The following IQGAP2 variants were observed in gnomAD, a reference collection of about 807,000 sequenced individuals.
IQGAP2 encodes the protein ras GTPase-activating-like protein IQGAP2.
Under a neutral mutation model 201.3 loss-of-function variants are expected in IQGAP2, and 173 were observed. The observed-to-expected ratio is 0.86, with a 90% CI of 0.76 to 0.98. The LOEUF is 0.98. Among genes scored for constraint, IQGAP2 ranks in the 50% least tolerant of loss-of-function variants. The probability of loss-of-function intolerance (pLI) is 0.00; values close to 1 mark genes in which losing one functional copy is unlikely to be tolerated. For missense variants in IQGAP2, 1,687 were observed against 1,864.8 expected (o/e 0.90, Z 1.76); for synonymous variants, 675 against 673.9 (o/e 1.00, Z -0.03).
chr5:76,673,333 G>T (rs1353186326), intron 24 of IQGAP2, 116 bp from the exon 25 acceptor site: 1 of 997,674 alleles, frequency 1.0e-6, no homozygotes, highest in Non-Finnish European at 1.4e-6. Flanking sequence ...TTTTGTTACT[G>T]GAGTCAGTGG....
At chr5:76,469,727 A>G (rs1372723536) in intron 2 of IQGAP2, among the ~76,000 whole-genome samples, 1 of 152,112 alleles carries the variant, frequency 6.6e-6, no homozygotes, top group Non-Finnish European at 1.5e-5. Context: ...ATTGATGGCA[A>G]TGAACAAAAT....
At chr5:76,619,330 GA>G (rs1749357479) in intron 13 of IQGAP2, among the ~76,000 whole-genome samples, 1 of 152,050 alleles carries the variant, frequency 6.6e-6, no homozygotes, top group Admixed American at 6.6e-5. Flanking sequence ...ACTGTCCTAA[GA>G]AATCATATGT....
intron 2 of IQGAP2, among the ~76,000 whole-genome samples, chr5:76,554,646 A>C (rs1743812902): frequency 6.6e-6 from 1 of 152,238 alleles, no homozygotes. Flanking sequence ...GGCTGTAATC[A>C]AAAAGACAGA....
intron 28 of IQGAP2, among the ~76,000 whole-genome samples, chr5:76,680,882 A>G (rs1202379631): frequency 6.6e-6 from 1 of 150,792 alleles, no homozygotes; most frequent in Non-Finnish European, 1.5e-5. Flanking sequence ...AAGCAGGTGG[A>G]TCACTTGAGG....
intron 1 of IQGAP2, among the ~76,000 whole-genome samples, chr5:76,451,040 T>C (rs772410769): frequency 3.9e-5 from 6 of 152,168 alleles, no homozygotes; most frequent in South Asian, 2.1e-4. Flanking sequence ...AAACTTCTCT[T>C]CCAAATATAA....
chr5:76,504,870 C>A (rs142796418), intron 2 of IQGAP2, among the ~76,000 whole-genome samples: 1 of 152,198 alleles, frequency 6.6e-6, no homozygotes, highest in South Asian at 2.1e-4. Context: ...CCAGCATGAT[C>A]TAGCCCTGGC....
chr5:76,427,104 G>A (rs1752053695), intron 1 of IQGAP2, among the ~76,000 whole-genome samples: 1 of 152,138 alleles, frequency 6.6e-6, no homozygotes, highest in African/African-American at 2.4e-5. Flanking sequence ...ATTCTTGGTT[G>A]TGGGGTGCTG....
At chr5:76,606,414 C>A in intron 12 of IQGAP2, 111 bp downstream of exon 12, 4 of 802,356 alleles carry the variant, frequency 5.0e-6, no homozygotes, top group Non-Finnish European at 7.5e-6. Flanking sequence ...TTTGTGAGAG[C>A]AAACTCCGCT....
chr5:76,412,014 TCTC>T (rs1030602054), intron 1 of IQGAP2, among the ~76,000 whole-genome samples: 5 of 151,870 alleles, frequency 3.3e-5, no homozygotes, highest in African/African-American at 1.2e-4. Context: ...ATGTCCTCCT[TCTC>T]CATTTTTTTT....
chr5:76,474,999 A>T (rs1755328159), intron 2 of IQGAP2, among the ~76,000 whole-genome samples: 1 of 152,210 alleles, frequency 6.6e-6, no homozygotes, highest in South Asian at 2.1e-4. Flanking sequence ...GGCATAAGCC[A>T]CCGCGTCCGG....
At chr5:76,461,800 G>A in intron 2 of IQGAP2, 131 bp downstream of exon 2, 1 of 652,186 alleles carries the variant, frequency 1.5e-6, no homozygotes, top group Non-Finnish European at 2.7e-6. Context: ...AGTTGGAGAT[G>A]GCCAGGGAGA....
chr5:76,482,003 G>C (rs997160478), intron 2 of IQGAP2, among the ~76,000 whole-genome samples: 2 of 152,200 alleles, frequency 1.3e-5, no homozygotes, highest in Non-Finnish European at 1.5e-5. Context: ...TTACCAATGA[G>C]GTGCACTTAA....
chr5:76,539,447 T>C (rs1272918397), intron 2 of IQGAP2, among the ~76,000 whole-genome samples: 3 of 152,174 alleles, frequency 2.0e-5, no homozygotes, highest in African/African-American at 7.2e-5. Flanking sequence ...TCTGCTGCAG[T>C]GCCAGCCTGG....
intron 1 of IQGAP2, among the ~76,000 whole-genome samples, chr5:76,407,087 C>T (rs1032840151): frequency 1.3e-5 from 2 of 152,072 alleles, no homozygotes; most frequent in African/African-American, 4.8e-5. Context: ...TCAAGCTGTC[C>T]TCCCACCTCA....
intron 2 of IQGAP2, among the ~76,000 whole-genome samples, chr5:76,500,124 G>A (rs541830214): frequency 6.6e-6 from 1 of 151,838 alleles, no homozygotes; most frequent in East Asian, 1.9e-4. Context: ...ATGAATGAAT[G>A]AATAAATAAA....
chr5:76,504,156 G>A (rs897091180), intron 2 of IQGAP2, among the ~76,000 whole-genome samples: 3 of 152,128 alleles, frequency 2.0e-5, no homozygotes, highest in Non-Finnish European at 1.5e-5. Flanking sequence ...ACAGTAATAG[G>A]GTAATGTCCA....
chr5:76,461,787 C>T (rs1195248365), intron 2 of IQGAP2, 118 bp downstream of exon 2: 6 of 690,044 alleles, frequency 8.7e-6, no homozygotes, highest in South Asian at 7.1e-5. Flanking sequence ...AAAGAGTTGT[C>T]GTAGTTGGAG....
intron 2 of IQGAP2, among the ~76,000 whole-genome samples, chr5:76,478,054 A>C (rs866908677): frequency 6.6e-6 from 1 of 152,202 alleles, no homozygotes; most frequent in Non-Finnish European, 1.5e-5. Flanking sequence ...TTTATTATTG[A>C]AGAAAGAACC....
chr5:76,415,236 C>A (rs56950047), intron 1 of IQGAP2, among the ~76,000 whole-genome samples: 7,763 of 152,246 alleles, frequency 0.051, 653 homozygotes, highest in African/African-American at 0.17. Context: ...CAAAATAGAA[C>A]AGCAGTAAAA....
Sources: gnomAD v4.1 joint callset for allele counts (sites outside exome capture counted in the v4.1 genomes callset) on GRCh38, gnomAD v4.1.1 for gene constraint, MANE v1.5 for transcripts, NCBI Gene and HGNC (gene_info 2026-07-23, HGNC 2026-07-21) for gene names.